SHC2: variants seen among roughly 807,000 people sequenced by gnomAD.
SHC2 encodes SHC adaptor protein 2, also known as SHC-transforming protein 2.
A neutral mutation model predicts 60.6 loss-of-function variants in SHC2; 62 were observed. That is an observed-to-expected ratio of 1.02 (90% confidence interval 0.83 to 1.26). The LOEUF is 1.26. Among genes scored for constraint, SHC2 ranks in the 50% most tolerant of loss-of-function variants. The pLI, the probability that SHC2 is intolerant of heterozygous loss-of-function variation, is 0.00. For synonymous variants in SHC2, 375 were observed against 372.4 expected, an observed-to-expected ratio of 1.01 and a Z score of -0.08; for missense variants, 873 against 822.2, an observed-to-expected ratio of 1.06 and a Z score of -0.76.
intron 1 of SHC2, among the ~76,000 whole-genome samples, chr19:451,055 G>A (rs146085131): frequency 0.015 from 2,043 of 138,616 alleles, 32 homozygotes; most frequent in East Asian, 0.086. Context: ...ATATTTCAGC[G>A]TGTGGATGGC....
rs1896323646 is a variant in SHC2 at position 438,077 on chromosome 19, A to G, written c.720+641T>C. On this transcript the variant is annotated intron_variant, in intron 4 of 12. Coordinates refer to ENST00000264554, the MANE Select transcript of SHC2 (RefSeq NM_012435.3). The surrounding 1 kb of genome is among the most constrained non-coding windows in gnomAD (Gnocchi z 5.0). ...TTGGCTCACTGCAACCTCCACTCCCAGGTTCAAGCGATTCTCCTGCCTCAG... is the reference window on the plus strand; with the variant it reads ...TTGGCTCACTGCAACCTCCACTCCCGGGTTCAAGCGATTCTCCTGCCTCAG... Among the ~76,000 whole-genome samples, 2 of 152,138 alleles carry G rather than the reference A, an allele frequency of 1.3e-5. No individual in the cohort carries two copies. The highest frequency in any genetic ancestry group is 1.9e-4 in the East Asian group (1 of 5,194).
At chr19:460,480 A>T in intron 1 of SHC2, 49 bp downstream of exon 1, 4 of 698,870 alleles carry the variant, frequency 5.7e-6, no homozygotes, top group Non-Finnish European at 6.4e-6. Context: ...AGGGTGGGGG[A>T]GGGGAGGCCG....
chr19:456,004 G>A (rs373263086), intron 1 of SHC2, among the ~76,000 whole-genome samples: 19 of 152,152 alleles, frequency 1.2e-4, no homozygotes, highest in African/African-American at 4.1e-4. Flanking sequence ...AGGTGCGTGC[G>A]TGACGAGTGC....
At chr19:442,678 G>T (rs1399808903) in intron 1 of SHC2, among the ~76,000 whole-genome samples, 1 of 95,288 alleles carries the variant, frequency 1.0e-5, no homozygotes, top group Non-Finnish European at 1.8e-5. Context: ...TGAGTGGATG[G>T]GTGGATGGGT....
At chr19:455,078 G>A (rs897454723) in intron 1 of SHC2, among the ~76,000 whole-genome samples, 9 of 152,254 alleles carry the variant, frequency 5.9e-5, no homozygotes, top group African/African-American at 7.2e-5. Flanking sequence ...CCTGCAGAGA[G>A]CCTGTTCCAC....
At chr19:442,980 T>C (rs1256688496) in intron 1 of SHC2, among the ~76,000 whole-genome samples, 34 of 110,562 alleles carry the variant, frequency 3.1e-4, no homozygotes, top group Admixed American at 4.2e-4. Flanking sequence ...GATGGGTGGA[T>C]GGATGGATGC....
intron 1 of SHC2, among the ~76,000 whole-genome samples, chr19:450,375 T>C (rs1044908847): frequency 1.3e-5 from 2 of 152,236 alleles, no homozygotes; most frequent in African/African-American, 4.8e-5. Flanking sequence ...TTTAGAGTTT[T>C]GACTGTCTTT....
chr19:436,588 G>T (rs374759956), intron 5 of SHC2, 42 bp downstream of exon 5: 1 of 1,593,850 alleles, frequency 6.3e-7, no homozygotes, highest in Non-Finnish European at 8.5e-7. Context: ...CGGCCGGAGG[G>T]GGGCGGCAGG....
intron 2 of SHC2, among the ~76,000 whole-genome samples, chr19:439,988 T>G (rs1974822271): frequency 7.1e-6 from 1 of 140,438 alleles, no homozygotes; most frequent in Non-Finnish European, 1.5e-5. Context: ...ACGGTGTCAC[T>G]GCACTCCAGC....
In SHC2 at chr19:441,270, G is replaced by A; in HGVS notation, c.469-338C>T. ...CAGCACCGAAGCCGAGGAGCGTGGGGATGGTGCGATCCTGAGCACTTCCCT... is the reference window on the plus strand; with the variant it reads ...CAGCACCGAAGCCGAGGAGCGTGGGAATGGTGCGATCCTGAGCACTTCCCT... On this transcript the variant is annotated intron_variant, in intron 1 of 12. Coordinates refer to ENST00000264554, the MANE Select transcript of SHC2 (RefSeq NM_012435.3). This position sits in a 1 kb window ranked among gnomAD's most constrained non-coding sequence, Gnocchi z 4.9. 1.1e-5 allele frequency: 7 copies of A among 613,636 alleles called. No homozygotes were observed. The highest frequency in any genetic ancestry group is 1.4e-5 in the Non-Finnish European group (7 of 493,610). 38.0% of individuals were successfully genotyped at this position (613,636 alleles called of 1,614,324 possible).
At chr19:454,958 CT>C (rs1355551032) in intron 1 of SHC2, among the ~76,000 whole-genome samples, 2 of 152,218 alleles carry the variant, frequency 1.3e-5, no homozygotes, top group African/African-American at 4.8e-5. Flanking sequence ...GTCTCTGCCC[CT>C]CTCATCCTGT....
intron 12 of SHC2, among the ~76,000 whole-genome samples, chr19:417,743 C>T (rs1276492037): frequency 7.9e-5 from 12 of 152,148 alleles, no homozygotes; most frequent in Admixed American, 2.6e-4. Context: ...TGCCACAGGC[C>T]GCAGGCAGTT....
intron 9 of SHC2, among the ~76,000 whole-genome samples, chr19:429,905 C>T (rs1974529364): frequency 4.7e-5 from 7 of 150,330 alleles, no homozygotes; most frequent in Admixed American, 4.0e-4. Context: ...GCAGAGAAAC[C>T]TAATACCGTG....
In SHC2 at chr19:440,973, C is replaced by G. The variant is rs200246130; in HGVS notation, c.469-41G>C. On this transcript the variant is annotated intron_variant, in intron 1 of 12. Coordinates refer to ENST00000264554, the MANE Select transcript of SHC2 (RefSeq NM_012435.3). The surrounding 1 kb of genome is among the most constrained non-coding windows in gnomAD (Gnocchi z 7.0). The stretch of plus-strand genomic sequence containing the variant: ...AGGTGTCAGATGCCATCGGAACCCC[C>G]GCAGTGGAGCCACGTCCCTTTTCCC... 2 of 1,581,884 alleles carry G rather than the reference C, an allele frequency of 1.3e-6. No homozygotes were observed. Among genetic ancestry groups the G allele is most frequent in the East Asian group, 2.2e-5 (1 of 44,686 alleles).
intron 1 of SHC2, among the ~76,000 whole-genome samples, chr19:458,727 A>C (rs867420924): frequency 3.1e-3 from 288 of 93,610 alleles, no homozygotes; most frequent in African/African-American, 0.01. Context: ...GGGAGGCGGA[A>C]GTGGGTTCCG....
Position 425,006 on chromosome 19 carries a change from A to C in SHC2, c.1309+91T>G, listed in dbSNP as rs1456107558. ...GGGAGCCTCCCCCATCAGACCAGGG[A>C]ATCCCGTAGGGAGTGGGGGTGGGGT... On this transcript the variant is annotated intron_variant, in intron 10 of 12. Coordinates refer to ENST00000264554, the MANE Select transcript of SHC2 (RefSeq NM_012435.3). The surrounding 1 kb of genome is among the most constrained non-coding windows in gnomAD (Gnocchi z 4.1). 2 of 1,274,498 alleles carry C rather than the reference A, an allele frequency of 1.6e-6. No individual in the cohort carries two copies. The highest frequency in any genetic ancestry group is 2.0e-6 in the Non-Finnish European group (2 of 983,376). The allele number at this position is 1,274,498 out of a possible 1,614,324, so 78.9% of individuals were successfully genotyped here.
chr19:446,600 C>T lies in SHC2; in HGVS notation c.469-5668G>A, dbSNP rs1052949515. Among the ~76,000 whole-genome samples the T allele has an allele frequency of 1.3e-5, 2 of 152,190 alleles. No homozygotes were observed. The highest frequency in any genetic ancestry group is 2.4e-5 in the African/African-American group (1 of 41,432). ...GACTACAGGCGTGAGTCACCGCGCCCGGCTGTCTGTGTTGTTTTAAGCCCC... is the reference window on the plus strand; with the variant it reads ...GACTACAGGCGTGAGTCACCGCGCCTGGCTGTCTGTGTTGTTTTAAGCCCC... On this transcript the variant is annotated intron_variant, in intron 1 of 12. Transcript: ENST00000264554. The surrounding 1 kb of genome is among the most constrained non-coding windows in gnomAD (Gnocchi z 5.4).
chr19:428,630 C>G (rs184684639), intron 9 of SHC2, among the ~76,000 whole-genome samples: 2 of 152,202 alleles, frequency 1.3e-5, no homozygotes, highest in Non-Finnish European at 2.9e-5. Flanking sequence ...CCACTGACAG[C>G]TAACAGTGGC....
At position 422,103 on chromosome 19, in the gene SHC2, G is replaced by A; in HGVS notation, c.1620+43C>T. ...GACCCTCCCACCTGTGCCCAGCGAA[G>A]CCCCTGGATGCCCCGAGACCCTCCC... On this transcript the variant is annotated intron_variant, in intron 11 of 12. Coordinates refer to ENST00000264554, the MANE Select transcript of SHC2 (RefSeq NM_012435.3). This position sits in a 1 kb window ranked among gnomAD's most constrained non-coding sequence, Gnocchi z 5.0. 2 of 950,422 alleles carry A rather than the reference G, an allele frequency of 2.1e-6. No individual in the cohort carries two copies. Among genetic ancestry groups the A allele is most frequent in the African/African-American group, 3.5e-5 (1 of 28,450 alleles). 58.9% of individuals were successfully genotyped at this position (950,422 alleles called of 1,614,324 possible). A position where few individuals can be genotyped will look rare whatever the true frequency, so the allele number is the denominator to read the frequency against.
Sources: allele counts gnomAD v4.1 joint callset (sites outside exome capture counted in the v4.1 genomes callset), GRCh38; gene constraint gnomAD v4.1.1; non-coding constraint Gnocchi (gnomAD v3.1); transcripts MANE v1.5; gene names NCBI Gene and HGNC (gene_info 2026-07-23, HGNC 2026-07-21).